PTPRN2: variants seen among roughly 807,000 people sequenced by gnomAD.
PTPRN2 encodes the protein receptor-type tyrosine-protein phosphatase N2.
In PTPRN2, 74 loss-of-function variants were observed where a neutral mutation model predicts 118.8. That is an observed-to-expected ratio of 0.62 (90% CI 0.52 to 0.76). The LOEUF (loss-of-function observed/expected upper bound fraction) is 0.76. PTPRN2 is among the 30% of genes least tolerant of loss of function. The pLI is 0.00. For synonymous variants in PTPRN2, 641 were observed against 608.0 expected, an observed-to-expected ratio of 1.05 and a Z score of -0.80; for missense variants, 1,481 against 1,394.4, an observed-to-expected ratio of 1.06 and a Z score of -0.99.
At chr7:158,028,498 A>G (rs892732) in intron 11 of PTPRN2, 126,490 of 152,586 alleles carry the variant, frequency 0.83, 53,003 homozygotes, top group Non-Finnish European at 0.9. Flanking sequence ...AGAAGCAGCC[A>G]GAGCCTGCAA....
At chr7:158,024,813 C>T (rs945135741) in intron 11 of PTPRN2, among the ~76,000 whole-genome samples, 2 of 152,242 alleles carry the variant, frequency 1.3e-5, no homozygotes, top group Non-Finnish European at 2.9e-5. Flanking sequence ...ACATTGACCT[C>T]AATTCCTTTC....
At chr7:157,608,484 C>T (rs1802135469) in intron 15 of PTPRN2, among the ~76,000 whole-genome samples, 1 of 152,210 alleles carries the variant, frequency 6.6e-6, no homozygotes, top group Non-Finnish European at 1.5e-5. Context: ...ACTCTGATTC[C>T]TGCAGGGGGC....
chr7:158,151,346 ACCGCCCGCC>A lies in PTPRN2; in HGVS notation c.911-12840_911-12832del, dbSNP rs1163875429. Among the ~76,000 whole-genome samples the A allele has an allele frequency of 9.6e-5, 9 of 93,500 alleles. 1 individual carries two copies. The highest frequency in any genetic ancestry group is 3.9e-4 in the African/African-American group (9 of 23,032). The allele number at this position is 93,500 out of a possible 152,430, so 61.3% of individuals were successfully genotyped here. ...TCTATTCCTGCCTCTCCCTGCCCACACCGCCCGCCTTTCTGCTCCTGCCTCTCCCTGCCC... is the reference window on the plus strand; with the variant it reads ...TCTATTCCTGCCTCTCCCTGCCCACATTTCTGCTCCTGCCTCTCCCTGCCC... On this transcript the variant is annotated intron_variant, in intron 6 of 22. Coordinates refer to ENST00000389418, the MANE Select transcript of PTPRN2 (RefSeq NM_002847.5).
intron 22 of PTPRN2, among the ~76,000 whole-genome samples, chr7:157,546,444 A>C (rs1428525090): frequency 1.3e-5 from 2 of 152,062 alleles, no homozygotes; most frequent in African/African-American, 4.8e-5. Flanking sequence ...TTCCCCACTG[A>C]CAGGCCCCAG....
intron 2 of PTPRN2, among the ~76,000 whole-genome samples, chr7:158,463,133 A>T (rs1158462558): frequency 6.6e-6 from 1 of 152,164 alleles, no homozygotes; most frequent in Non-Finnish European, 1.5e-5. Context: ...GGATCTGTGT[A>T]CTTTTATAAG....
chr7:158,519,818 T>TC (rs900483165), intron 1 of PTPRN2, among the ~76,000 whole-genome samples: 2 of 152,048 alleles, frequency 1.3e-5, no homozygotes, highest in East Asian at 3.9e-4. Flanking sequence ...ACCCAATGCC[T>TC]CCCCCATGGC....
At chr7:158,450,313 A>T (rs918375481) in intron 2 of PTPRN2, among the ~76,000 whole-genome samples, 1 of 152,210 alleles carries the variant, frequency 6.6e-6, no homozygotes, top group Non-Finnish European at 1.5e-5. Context: ...AATGAGACAC[A>T]TTCAGTCCAT....
At chr7:157,956,141 T>A (rs181455568) in intron 11 of PTPRN2, among the ~76,000 whole-genome samples, 1 of 152,132 alleles carries the variant, frequency 6.6e-6, no homozygotes, top group African/African-American at 2.4e-5. Flanking sequence ...GGCTGTTTGA[T>A]GAGAAAAGCC....
Position 158,072,452 on chromosome 7 carries a change from G to A in PTPRN2, c.1723+8846C>T, listed in dbSNP as rs574165079. On this transcript the variant is annotated intron_variant, in intron 11 of 22. Transcript: ENST00000389418. ...AAGGCCTGAGAGCCCAGGGGCCTTG[G>A]GCAGGTGTTGACCAGGTAAGACCTG... Among the ~76,000 whole-genome samples the A allele has an allele frequency of 1.6e-4, 25 of 152,268 alleles. No homozygotes were observed. In the South Asian group the frequency reaches 3.3e-3, roughly 20 times the overall value.
At chr7:157,886,283 C>A (rs947167093) in intron 12 of PTPRN2, among the ~76,000 whole-genome samples, 1 of 152,104 alleles carries the variant, frequency 6.6e-6, no homozygotes, top group African/African-American at 2.4e-5. Context: ...CCACCTCAGA[C>A]AATAAGCCGT....
chr7:157,673,811 C>T (rs765444735), intron 13 of PTPRN2, among the ~76,000 whole-genome samples: 4 of 152,156 alleles, frequency 2.6e-5, no homozygotes, highest in Non-Finnish European at 4.4e-5. Flanking sequence ...GTTCTCTGAG[C>T]CCCATGCCCG....
At chr7:158,296,371 A>G (rs947085364) in intron 3 of PTPRN2, among the ~76,000 whole-genome samples, 1 of 152,126 alleles carries the variant, frequency 6.6e-6, no homozygotes, top group Non-Finnish European at 1.5e-5. Context: ...TTCCCAGTCC[A>G]TCTCCCTCTG....
chr7:157,808,714 TC>T lies in PTPRN2; in HGVS notation c.1788+89958del, dbSNP rs1805788616. Among the ~76,000 whole-genome samples, 1 of 152,160 alleles carries T rather than the reference TC, an allele frequency of 6.6e-6. No individual in the cohort carries two copies. Among genetic ancestry groups the T allele is most frequent in the South Asian group, 2.1e-4 (1 of 4,830 alleles). ...ATGCGTTTGAATCATCCTGAAACCT[TC>T]CCCCAACCTTGGTCCATGGAAAAAC... On this transcript the variant is annotated intron_variant, in intron 12 of 22. Coordinates refer to ENST00000389418, the MANE Select transcript of PTPRN2 (RefSeq NM_002847.5). The surrounding 1 kb of genome is among the most constrained non-coding windows in gnomAD (Gnocchi z 5.0).
intron 7 of PTPRN2, among the ~76,000 whole-genome samples, chr7:158,137,022 A>G (rs1193836717): frequency 6.6e-6 from 1 of 152,164 alleles, no homozygotes; most frequent in East Asian, 1.9e-4. Flanking sequence ...AGTTCACGTC[A>G]TGAAAAAGCA....
At chr7:158,262,995 A>T (rs552537060) in intron 3 of PTPRN2, among the ~76,000 whole-genome samples, 1 of 148,920 alleles carries the variant, frequency 6.7e-6, no homozygotes, top group South Asian at 2.1e-4. Flanking sequence ...ATTCACACAC[A>T]TTGCACACAC....
intron 2 of PTPRN2, among the ~76,000 whole-genome samples, chr7:158,416,536 T>C: frequency 6.6e-6 from 1 of 152,204 alleles, no homozygotes; most frequent in East Asian, 1.9e-4. Flanking sequence ...CATGGAGCTG[T>C]GTGGCCACAT....
intron 12 of PTPRN2, among the ~76,000 whole-genome samples, chr7:157,896,951 C>A (rs2128750833): frequency 6.6e-6 from 1 of 152,154 alleles, no homozygotes; most frequent in East Asian, 1.9e-4. Flanking sequence ...GCCCCTCCAG[C>A]CCTCTCAGGG....
At chr7:158,392,563 ATGTGGGTG>A (rs1313518027) in intron 2 of PTPRN2, among the ~76,000 whole-genome samples, 29 of 152,318 alleles carry the variant, frequency 1.9e-4, no homozygotes, top group African/African-American at 6.7e-4. Flanking sequence ...ATGGCAGAAC[ATGTGGGTG>A]CAGCCCTGTC....
chr7:158,315,995 TCAA>T (rs1309507985), intron 3 of PTPRN2, among the ~76,000 whole-genome samples: 1 of 151,980 alleles, frequency 6.6e-6, no homozygotes, highest in Non-Finnish European at 1.5e-5. Context: ...GGGCTCCCAC[TCAA>T]CAAGGCCAGC....
Sources: gnomAD v4.1 joint callset for allele counts (sites outside exome capture counted in the v4.1 genomes callset) on GRCh38, gnomAD v4.1.1 for gene constraint, Gnocchi (gnomAD v3.1) non-coding constraint, MANE v1.5 for transcripts, NCBI Gene and HGNC (gene_info 2026-07-23, HGNC 2026-07-21) for gene names.